Variants in APBA2 observed in about 807,000 individuals in gnomAD.
APBA2 encodes the protein amyloid beta precursor protein binding family A member 2.
APBA2 carries 30 observed loss-of-function variants against 75.0 expected under a neutral mutation model. The ratio of observed to expected loss-of-function variants is 0.40; its 90% confidence interval spans 0.30 to 0.54. APBA2 has a LOEUF of 0.54. APBA2 is among the 20% of genes least tolerant of loss of function. APBA2 has a pLI of 0.49. For missense variants in APBA2, 801 were observed against 1,016.1 expected (o/e 0.79, Z 2.88); for synonymous variants, 444 against 409.6 (o/e 1.08, Z -1.01).
At chr15:28,961,303 A>T (rs1386340705) in intron 2 of APBA2, 1 of 152,314 alleles carries the variant, frequency 6.6e-6, no homozygotes, top group Non-Finnish European at 1.5e-5. Context: ...AGAGATGGAA[A>T]GCAGATGAGG....
At chr15:28,992,994 G>A (rs143908607) in intron 2 of APBA2, among the ~76,000 whole-genome samples, 16 of 152,348 alleles carry the variant, frequency 1.1e-4, no homozygotes, top group Admixed American at 1.0e-3. Context: ...AGGGGGACTG[G>A]GGAAGTGGCC....
At chr15:28,963,318 T>C (rs1289833668) in intron 2 of APBA2, among the ~76,000 whole-genome samples, 1 of 152,234 alleles carries the variant, frequency 6.6e-6, no homozygotes, top group Non-Finnish European at 1.5e-5. Flanking sequence ...AGGAAAGTCA[T>C]GCAGCTCAGG....
chr15:28,930,036 A>C (rs980957565), intron 2 of APBA2, among the ~76,000 whole-genome samples: 1 of 152,270 alleles, frequency 6.6e-6, no homozygotes, highest in African/African-American at 2.4e-5. Flanking sequence ...TCGCATCTCT[A>C]TAAAAACAGG....
chr15:29,022,017 A>G (rs1293434730), intron 3 of APBA2, among the ~76,000 whole-genome samples: 1 of 152,100 alleles, frequency 6.6e-6, no homozygotes, highest in Non-Finnish European at 1.5e-5. Flanking sequence ...AGTGTATACC[A>G]TGTTTTCTTT....
intron 3 of APBA2, among the ~76,000 whole-genome samples, chr15:29,042,501 G>A (rs796391602): frequency 2.6e-5 from 4 of 152,016 alleles, no homozygotes; most frequent in Admixed American, 6.6e-5. Flanking sequence ...CTTGTGATCC[G>A]CCCGCCTCGG....
At chr15:28,982,602 G>A (rs2152768969) in intron 2 of APBA2, among the ~76,000 whole-genome samples, 1 of 152,206 alleles carries the variant, frequency 6.6e-6, no homozygotes, top group East Asian at 1.9e-4. Context: ...GGCAATGGAG[G>A]ATTTATATTC....
chr15:28,992,757 A>AT (rs1422631019), intron 2 of APBA2, among the ~76,000 whole-genome samples: 1 of 152,090 alleles, frequency 6.6e-6, no homozygotes, highest in Non-Finnish European at 1.5e-5. Flanking sequence ...TTGGCCTTGT[A>AT]TTTGTGTGTC....
At chr15:29,060,583 C>T (rs929170948) in intron 4 of APBA2, among the ~76,000 whole-genome samples, 4 of 152,094 alleles carry the variant, frequency 2.6e-5, no homozygotes, top group African/African-American at 9.7e-5. Context: ...GCTTGGCGTG[C>T]CCTGTTGTTC....
At chr15:28,890,455 T>C (rs2032059256) in intron 1 of APBA2, among the ~76,000 whole-genome samples, 1 of 152,194 alleles carries the variant, frequency 6.6e-6, no homozygotes, top group East Asian at 1.9e-4. Flanking sequence ...ATCTGGATCT[T>C]TCCAAACTTG....
chr15:28,942,888 C>T (rs1433521123), intron 2 of APBA2, among the ~76,000 whole-genome samples: 4 of 152,174 alleles, frequency 2.6e-5, no homozygotes, highest in East Asian at 1.9e-4. Flanking sequence ...GGCCCGTGGC[C>T]GCTGGAGCAG....
chr15:28,909,226 G>A (rs947378501), intron 1 of APBA2, among the ~76,000 whole-genome samples: 2 of 151,866 alleles, frequency 1.3e-5, no homozygotes, highest in Non-Finnish European at 2.9e-5. Flanking sequence ...TCCTGACCTC[G>A]TGATCCGCCC....
intron 8 of APBA2, among the ~76,000 whole-genome samples, chr15:29,097,654 T>A (rs887305120): frequency 1.3e-5 from 2 of 152,226 alleles, no homozygotes; most frequent in Non-Finnish European, 2.9e-5. Context: ...TCACCTAGTT[T>A]TAATTTTTGT....
In APBA2 at chr15:29,065,538, C is replaced by A. The variant is rs143914984; in HGVS notation, c.952-9383C>A. Among the ~76,000 whole-genome samples the A allele has an allele frequency of 1.5e-3, 232 of 152,244 alleles. 1 individual carries two copies. The highest frequency in any genetic ancestry group is 5.2e-3 in the African/African-American group (214 of 41,540). On this transcript the variant is annotated intron_variant, in intron 4 of 14. Transcript: ENST00000683413. ...ATCCTATGTCAGATAATACCATGGG[C>A]AGCTCAAGAAAACTACGCACAACTC...
At chr15:28,891,765 A>G (rs529172562) in intron 1 of APBA2, among the ~76,000 whole-genome samples, 1 of 152,194 alleles carries the variant, frequency 6.6e-6, no homozygotes, top group Non-Finnish European at 1.5e-5. Flanking sequence ...CACTATTGAC[A>G]TTTGGCATTT....
rs1440861753 is a variant in APBA2 at position 29,106,612 on chromosome 15, G to A, written c.1710G>A (p.Gln570=). The part of the protein sequence containing the change: ...FSNSENCKEL[Q]LEKHKGEILG... ...CACTGCTGATCCCTTTGCAGCTGCA[G>A]CTGGAGAAGCACAAGGGCGAGATCC... The change falls in exon 12 of 15, where the codon CAG becomes CAA. Residue 570 remains glutamine, a synonymous_variant. Coordinates refer to ENST00000683413, the MANE Select transcript of APBA2 (RefSeq NM_001353788.2). 1.2e-6 allele frequency: 2 copies of A among 1,613,082 alleles called. No homozygotes were observed. The highest frequency in any genetic ancestry group is 1.7e-6 in the Non-Finnish European group (2 of 1,180,014).
rs977804082 is a variant in APBA2, at chr15:29,117,234, C to A, written c.*101C>A. 1.1e-5 allele frequency: 12 copies of A among 1,127,396 alleles called. No homozygotes were observed. In the Admixed American group the frequency reaches 2.0e-4, roughly 19 times the overall value. 69.8% of individuals were successfully genotyped at this position (1,127,396 alleles called of 1,614,324 possible). ...CAGACTTGACCCCGACGCCACAGCC[C>A]AGCCACGGACGCTGGCTCCCCAAAG... On this transcript the variant is annotated 3_prime_UTR_variant, in exon 15 of 15. Transcript: ENST00000683413.
At chr15:29,113,341 C>T (rs940546350) in intron 13 of APBA2, among the ~76,000 whole-genome samples, 21 of 149,902 alleles carry the variant, frequency 1.4e-4, no homozygotes, top group Admixed American at 1.1e-3. Flanking sequence ...AATGCCCTTA[C>T]GTCACTTGGC....
intron 2 of APBA2, among the ~76,000 whole-genome samples, chr15:28,947,205 G>C (rs983409673): frequency 2.0e-5 from 3 of 152,162 alleles, no homozygotes; most frequent in Non-Finnish European, 4.4e-5. Context: ...ATAAACGCTG[G>C]GCCCTTAGTG....
At chr15:29,063,285 A>G (rs1595872524) in intron 4 of APBA2, among the ~76,000 whole-genome samples, 2 of 110,786 alleles carry the variant, frequency 1.8e-5, no homozygotes, top group Non-Finnish European at 1.9e-5. Context: ...TGGGGAGGGG[A>G]GTTGATCTGG....
Sources: gnomAD v4.1 joint callset for allele counts (sites outside exome capture counted in the v4.1 genomes callset) on GRCh38, gnomAD v4.1.1 for gene constraint, MANE v1.5 for transcripts, NCBI Gene and HGNC (gene_info 2026-07-23, HGNC 2026-07-21) for gene names.